The following FMN2 variants were observed in gnomAD, a reference collection of about 807,000 sequenced individuals.
The protein encoded by FMN2 is formin-2.
FMN2 carries 51 observed loss-of-function variants against 142.3 expected under a neutral mutation model. The ratio of observed to expected loss-of-function variants is 0.36; its 90% CI spans 0.29 to 0.45. The LOEUF is 0.45. Among genes scored for constraint, FMN2 ranks in the 20% least tolerant of loss-of-function variants. The probability of loss-of-function intolerance (pLI) is 1.00; values close to 1 mark genes in which losing one functional copy is unlikely to be tolerated. For synonymous variants in FMN2, 882 were observed against 869.8 expected (o/e 1.01, Z -0.25); for missense variants, 1,936 against 2,122.8 (o/e 0.91, Z 1.73).
chr1:240,109,548 C>G (rs960686005), intron 1 of FMN2, among the ~76,000 whole-genome samples: 5 of 152,140 alleles, frequency 3.3e-5, no homozygotes, highest in African/African-American at 1.2e-4. Context: ...GTACACCCTT[C>G]ATTTAGATAC....
chr1:240,444,273 A>G (rs554362537), intron 16 of FMN2, among the ~76,000 whole-genome samples: 1 of 152,312 alleles, frequency 6.6e-6, no homozygotes, highest in African/African-American at 2.4e-5. Context: ...TGTATCATGC[A>G]GTGGGAGGAA....
chr1:240,286,026 G>A (rs905334632), intron 7 of FMN2, among the ~76,000 whole-genome samples: 11 of 152,214 alleles, frequency 7.2e-5, no homozygotes, highest in South Asian at 2.1e-4. Flanking sequence ...TTCATGTTGG[G>A]CTCTTGGACT....
At chr1:240,156,367 T>C (rs1664026777) in intron 2 of FMN2, among the ~76,000 whole-genome samples, 1 of 152,226 alleles carries the variant, frequency 6.6e-6, no homozygotes, top group Non-Finnish European at 1.5e-5. Flanking sequence ...CATTCACTAC[T>C]TCCGAAAATT....
chr1:240,279,210 G>A (rs553485779), intron 7 of FMN2, among the ~76,000 whole-genome samples: 11 of 152,090 alleles, frequency 7.2e-5, no homozygotes, highest in Non-Finnish European at 8.8e-5. Flanking sequence ...CACATATTAC[G>A]AGCGATTGAA....
At chr1:240,289,532 A>T (rs183428901) in intron 7 of FMN2, among the ~76,000 whole-genome samples, 1 of 152,102 alleles carries the variant, frequency 6.6e-6, no homozygotes, top group East Asian at 1.9e-4. Context: ...TAGAAATATT[A>T]TCTGGGCATG....
intron 8 of FMN2, among the ~76,000 whole-genome samples, chr1:240,320,909 C>T (rs1670949661): frequency 6.6e-6 from 1 of 152,154 alleles, no homozygotes; most frequent in Non-Finnish European, 1.5e-5. Flanking sequence ...AGAACCAAGG[C>T]AGTGACACCA....
intron 14 of FMN2, among the ~76,000 whole-genome samples, chr1:240,380,707 A>G (rs1673194907): frequency 2.1e-5 from 3 of 141,242 alleles, no homozygotes; most frequent in South Asian, 4.7e-4. Context: ...ACCAAACTCA[A>G]AACTAGTTAA....
At chr1:240,350,710 T>C (rs766413133) in intron 13 of FMN2, among the ~76,000 whole-genome samples, 2 of 152,168 alleles carry the variant, frequency 1.3e-5, no homozygotes, top group Non-Finnish European at 2.9e-5. Flanking sequence ...TTCTATCCTA[T>C]ATCATTTGTA....
intron 15 of FMN2, among the ~76,000 whole-genome samples, chr1:240,428,632 G>A (rs534869246): frequency 3.3e-5 from 5 of 152,038 alleles, no homozygotes; most frequent in South Asian, 2.1e-4. Context: ...TTTTTTCCTC[G>A]AGACCTGGAT....
chr1:240,271,098 G>GTTTTTTTTTTTTGTTTTTT (rs1668992351), intron 7 of FMN2, among the ~76,000 whole-genome samples: 1 of 72,244 alleles, frequency 1.4e-5, no homozygotes, highest in Non-Finnish European at 2.5e-5. Context: ...TTCCACGATG[G>GTTTTTTTTTTTTGTTTTTT]TTTTTTTTTT....
rs192721978 is a variant in FMN2, at chr1:240,455,175, G to A, written c.5060+16965G>A. ...TAAGAGAGGTGAGAACATGACCATC[G>A]GAAAGTAAAGAGGAAATGTGTTGAC... is the stretch of plus-strand genomic sequence containing the variant. On this transcript the variant is annotated intron_variant, in intron 16 of 17. Transcript: ENST00000319653. Among the ~76,000 whole-genome samples the A allele has an allele frequency of 6.9e-3, 262 of 37,790 alleles. 1 individual carries two copies. The highest frequency in any genetic ancestry group is 0.023 in the African/African-American group (248 of 10,878). The allele number at this position is 37,790 out of a possible 152,430, so 24.8% of individuals were successfully genotyped here.
chr1:240,136,811 A>G (rs893266140), intron 2 of FMN2, among the ~76,000 whole-genome samples: 7 of 152,198 alleles, frequency 4.6e-5, no homozygotes, highest in South Asian at 2.1e-4. Flanking sequence ...GGTGGCTCAC[A>G]CCTGTAATCC....
intron 15 of FMN2, among the ~76,000 whole-genome samples, chr1:240,408,465 A>G (rs942279355): frequency 3.3e-5 from 5 of 152,214 alleles, no homozygotes; most frequent in Non-Finnish European, 7.3e-5. Context: ...AGACATTGTG[A>G]TAGCTACTTG....
rs1674830561 is a variant in FMN2 at position 240,423,136 on chromosome 1, TG to T, written c.4911-14924del. Among the ~76,000 whole-genome samples the T allele has an allele frequency of 2.6e-5, 4 of 152,230 alleles. No homozygotes were observed. In the South Asian group the frequency reaches 8.3e-4, roughly 31 times the overall value. ...GAGTGTTGGCATAAAAATATCTTTG[TG>T]CTTTTTAGAAGACATGGAGGATCCC... On this transcript the variant is annotated intron_variant, in intron 15 of 17. Transcript: ENST00000319653.
rs529317892 is a variant in FMN2 at position 240,112,145 on chromosome 1, T to G, written c.1616-11034T>G. ...TTAGGCCTGCATTTTCTTTTTTTTT[T>G]TTTTTTGAGACGGAGTCTCACTCTG... On this transcript the variant is annotated intron_variant, in intron 1 of 17. Coordinates refer to ENST00000319653, the MANE Select transcript of FMN2 (RefSeq NM_020066.5). 4.6e-5 allele frequency among the ~76,000 whole-genome samples: 7 copies of G among 151,638 alleles called. No individual in the cohort carries two copies. In the South Asian group the frequency reaches 1.5e-3, roughly 32 times the overall value.
chr1:240,190,350 T>C (rs1241447926), intron 4 of FMN2, among the ~76,000 whole-genome samples: 1 of 152,228 alleles, frequency 6.6e-6, no homozygotes, highest in East Asian at 1.9e-4. Flanking sequence ...CACTTACTTT[T>C]GGAATCATTA....
chr1:240,221,170 A>G (rs1432578900), intron 6 of FMN2, among the ~76,000 whole-genome samples: 2 of 152,198 alleles, frequency 1.3e-5, no homozygotes, highest in African/African-American at 2.4e-5. Flanking sequence ...TAGTGCTGCA[A>G]TAAACATATG....
At chr1:240,351,746 T>C (rs1250532557) in intron 13 of FMN2, among the ~76,000 whole-genome samples, 1 of 152,334 alleles carries the variant, frequency 6.6e-6, no homozygotes, top group Non-Finnish European at 1.5e-5. Context: ...GTCTGTGATC[T>C]TTCTCTACTT....
At chr1:240,328,167 A>AAAGAAAG (rs1553363671) in intron 8 of FMN2, among the ~76,000 whole-genome samples, 1 of 141,074 alleles carries the variant, frequency 7.1e-6, no homozygotes, top group African/African-American at 2.7e-5. Flanking sequence ...AAAAAAAAAA[A>AAAGAAAG]AAAAAGAAAA....
Sources: allele counts gnomAD v4.1 joint callset (sites outside exome capture counted in the v4.1 genomes callset), GRCh38; gene constraint gnomAD v4.1.1; transcripts MANE v1.5; gene names NCBI Gene and HGNC (gene_info 2026-07-23, HGNC 2026-07-21).